The following LIMCH1 variants were observed in gnomAD, a reference collection of about 807,000 sequenced individuals.
LIMCH1 encodes the protein LIM and calponin homology domains 1, also known as LIM and calponin homology domains-containing protein 1.
LIMCH1 carries 113 observed loss-of-function variants against 176.5 expected under a neutral mutation model. That is an observed-to-expected ratio of 0.64 (90% CI 0.55 to 0.75). The LOEUF is 0.75. Ranked by LOEUF, LIMCH1 falls within the 30% of genes least tolerant of loss-of-function variation. The pLI is 0.00. For missense variants in LIMCH1, 1,674 were observed against 1,814.9 expected, an observed-to-expected ratio of 0.92 and a Z score of 1.41; for synonymous variants, 619 against 645.9, an observed-to-expected ratio of 0.96 and a Z score of 0.63.
chr4:41,666,690 A>AG (rs1349467775), intron 21 of LIMCH1, 24 bp downstream of exon 21: 8 of 1,480,358 alleles, frequency 5.4e-6, no homozygotes, highest in Non-Finnish European at 6.6e-6. Context: ...GTTTTATTTT[A>AG]GGTCTGCATG....
chr4:41,494,696 G>A, intron 2 of LIMCH1: 1 of 850,668 alleles, frequency 1.2e-6, no homozygotes, highest in South Asian at 1.7e-5. Context: ...GTTTTGTTTT[G>A]AATTTATTCA....
chr4:41,532,767 T>G (rs6815819), intron 3 of LIMCH1, among the ~76,000 whole-genome samples: 21,397 of 152,234 alleles, frequency 0.14, 2,233 homozygotes, highest in South Asian at 0.33. Flanking sequence ...TCACTCATCT[T>G]GTGATTATTA....
intron 1 of LIMCH1, among the ~76,000 whole-genome samples, chr4:41,406,196 A>T (rs2058944370): frequency 6.6e-6 from 1 of 152,216 alleles, no homozygotes. Flanking sequence ...CCTTGAAGAA[A>T]CATAATTAAC....
At position 41,637,730 on chromosome 4, in the gene LIMCH1, A is replaced by G. The variant is rs541034089; in HGVS notation, c.2091-1202A>G. ...GGTTGCCTTCACTGTGAATTAAATC[A>G]TTATCAATGAATGTAGATTATTCTA... On this transcript the variant is annotated intron_variant, in intron 13 of 31. Coordinates refer to ENST00000503057, the MANE Select transcript of LIMCH1 (RefSeq NM_001330672.2). 2.0e-5 allele frequency among the ~76,000 whole-genome samples: 3 copies of G among 152,326 alleles called. No homozygotes were observed. In the South Asian group the frequency reaches 6.2e-4, roughly 32 times the overall value.
At chr4:41,563,634 A>G (rs905706671) in intron 1 of LIMCH1, among the ~76,000 whole-genome samples, 17 of 152,220 alleles carry the variant, frequency 1.1e-4, no homozygotes, top group Non-Finnish European at 2.1e-4. Flanking sequence ...CAATGGCATG[A>G]AAAGCAACTG....
intron 1 of LIMCH1, among the ~76,000 whole-genome samples, chr4:41,578,377 C>G (rs150585464): frequency 6.6e-6 from 1 of 152,190 alleles, no homozygotes; most frequent in Non-Finnish European, 1.5e-5. Context: ...TGGACCCTCC[C>G]TTGACATGTG....
At chr4:41,591,909 C>G (rs1399617125) in intron 1 of LIMCH1, among the ~76,000 whole-genome samples, 1 of 152,076 alleles carries the variant, frequency 6.6e-6, no homozygotes, top group Non-Finnish European at 1.5e-5. Context: ...GGTGTCTGCC[C>G]CAGAGCCAGA....
chr4:41,619,243 G>A lies in LIMCH1; in HGVS notation c.261G>A (p.Lys87=), dbSNP rs2092379204. The part of the protein sequence containing the change: ...DLPHRKLPDV[K]KDDMSARRTS... ...CTCATCGGAAGCTGCCAGATGTGAA[G>A]AAGGATGACATGTCTGCACGGCGGA... The change falls in exon 6 of 32, where the codon AAG becomes AAA. Residue 87 remains lysine (K), a synonymous_variant. Coordinates refer to ENST00000503057, the MANE Select transcript of LIMCH1 (RefSeq NM_001330672.2). The A allele has an allele frequency of 3.1e-6, 5 of 1,614,080 alleles. No individual in the cohort carries two copies. Among genetic ancestry groups the A allele is most frequent in the Admixed American group, 1.7e-5 (1 of 60,008 alleles).
At chr4:41,554,887 A>G (rs2081028564) in intron 1 of LIMCH1, among the ~76,000 whole-genome samples, 1 of 152,216 alleles carries the variant, frequency 6.6e-6, no homozygotes. Flanking sequence ...AGACATGAAC[A>G]TAGTCCTTGG....
intron 24 of LIMCH1, among the ~76,000 whole-genome samples, chr4:41,680,435 T>G (rs1383734038): frequency 6.6e-6 from 1 of 152,190 alleles, no homozygotes; most frequent in Non-Finnish European, 1.5e-5. Flanking sequence ...TGTTGTTTGG[T>G]AATAGTGAAT....
intron 3 of LIMCH1, among the ~76,000 whole-genome samples, chr4:41,530,780 A>G (rs2077175733): frequency 1.7e-5 from 2 of 120,898 alleles, no homozygotes; most frequent in Non-Finnish European, 3.4e-5. Context: ...GGGCTACAAG[A>G]GCGAAACCCC....
At chr4:41,367,471 T>G (rs1488408472) in intron 1 of LIMCH1, among the ~76,000 whole-genome samples, 1 of 151,900 alleles carries the variant, frequency 6.6e-6, no homozygotes, top group Non-Finnish European at 1.5e-5. Context: ...TCAGTGTAAG[T>G]TAGGGACTGC....
Position 41,689,522 on chromosome 4 carries a change from C to G in LIMCH1, c.4167-5C>G, listed in dbSNP as rs756383625. ...TTTTATTCTTATGTATATTTTTAAA[C>G]CTAGGTCTATAAGTGGAAAGAAGCT... On this transcript the variant is annotated splice_polypyrimidine_tract_variant and splice_region_variant and intron_variant, in intron 29 of 31. Coordinates refer to ENST00000503057, the MANE Select transcript of LIMCH1 (RefSeq NM_001330672.2). The G allele has an allele frequency of 5.2e-6, 8 of 1,537,576 alleles. No individual in the cohort carries two copies.
chr4:41,651,512 T>C (rs1278076529), intron 18 of LIMCH1, among the ~76,000 whole-genome samples: 1 of 152,252 alleles, frequency 6.6e-6, no homozygotes, highest in African/African-American at 2.4e-5. Flanking sequence ...TTACAATTTA[T>C]GAGCCAGAAA....
At chr4:41,462,250 G>T (rs1274108710) in intron 1 of LIMCH1, among the ~76,000 whole-genome samples, 1 of 152,154 alleles carries the variant, frequency 6.6e-6, no homozygotes, top group Non-Finnish European at 1.5e-5. Context: ...CAAGTTGTTT[G>T]TGCTGGTCCC....
At chr4:41,505,577 G>A (rs2074046407) in intron 2 of LIMCH1, among the ~76,000 whole-genome samples, 1 of 152,110 alleles carries the variant, frequency 6.6e-6, no homozygotes, top group South Asian at 2.1e-4. Context: ...CATCCATCCA[G>A]TCTGTTGTGG....
intron 1 of LIMCH1, among the ~76,000 whole-genome samples, chr4:41,547,805 CAATAT>C (rs1158743273): frequency 7.7e-6 from 1 of 130,198 alleles, no homozygotes; most frequent in South Asian, 2.4e-4. Flanking sequence ...TAAATAAATA[CAATAT>C]AATATACATT....
At chr4:41,684,669 T>C in intron 27 of LIMCH1, 151 bp downstream of exon 27, 1 of 783,196 alleles carries the variant, frequency 1.3e-6, no homozygotes, top group Non-Finnish European at 1.9e-6. Context: ...AATAAACTTC[T>C]ACCATCGTGT....
intron 17 of LIMCH1, among the ~76,000 whole-genome samples, chr4:41,647,512 AC>A (rs2094114065): frequency 6.6e-6 from 1 of 152,230 alleles, no homozygotes; most frequent in African/African-American, 2.4e-5. Context: ...AGACTGAAGA[AC>A]TTGTGGAAAC....
Sources: allele counts gnomAD v4.1 joint callset (sites outside exome capture counted in the v4.1 genomes callset), GRCh38; gene constraint gnomAD v4.1.1; transcripts MANE v1.5; gene names NCBI Gene and HGNC (gene_info 2026-07-23, HGNC 2026-07-21).